Variants in KMT2C observed in about 807,000 individuals in gnomAD.
KMT2C encodes histone-lysine N-methyltransferase 2C.
KMT2C carries 88 observed loss-of-function variants against 507.9 expected under a neutral mutation model. That is an observed-to-expected ratio of 0.17 (90% CI 0.15 to 0.21). The LOEUF is 0.21. Ranked by LOEUF, KMT2C falls within the 10% of genes least tolerant of loss-of-function variation. The pLI is 1.00. For missense variants in KMT2C, 4,954 were observed against 5,957.8 expected (o/e 0.83, Z 5.55); for synonymous variants, 2,049 against 2,080.8 (o/e 0.98, Z 0.42).
At chr7:152,331,628 A>C (rs1245449874) in intron 2 of KMT2C, among the ~76,000 whole-genome samples, 1 of 147,050 alleles carries the variant, frequency 6.8e-6, no homozygotes, top group Non-Finnish European at 1.5e-5. Context: ...AACAACAACA[A>C]CAACAACAAA....
intron 33 of KMT2C, among the ~76,000 whole-genome samples, chr7:152,186,186 C>G (rs1330709780): frequency 1.3e-5 from 2 of 152,060 alleles, no homozygotes; most frequent in African/African-American, 4.8e-5. Context: ...TTCCACATTA[C>G]AAAAAGAAAG....
At chr7:152,266,403 C>A (rs2095858821) in intron 7 of KMT2C, among the ~76,000 whole-genome samples, 1 of 152,058 alleles carries the variant, frequency 6.6e-6, no homozygotes, top group African/African-American at 2.4e-5. Context: ...TGCCACCATG[C>A]CCATCTAATT....
In KMT2C at chr7:152,329,908, A is replaced by G. The variant is rs1021060076; in HGVS notation, c.389+693T>C. On this transcript the variant is annotated intron_variant, in intron 3 of 58. Transcript: ENST00000262189. ...TGCCTGTAATCCCAGCACTTTGGGA[A>G]GCCGAGGCAGGTGGATCATGAGATC... Among the ~76,000 whole-genome samples the G allele has an allele frequency of 2.6e-4, 39 of 152,042 alleles. 1 individual carries two copies. The highest frequency in any genetic ancestry group is 3.4e-3 in the Middle Eastern group (1 of 292).
At chr7:152,145,517 C>T (rs2091021309) in intron 53 of KMT2C, among the ~76,000 whole-genome samples, 1 of 152,184 alleles carries the variant, frequency 6.6e-6, no homozygotes, top group African/African-American at 2.4e-5. Context: ...GTAAACCCTG[C>T]CAAATGCTCC....
rs1033078752 is a variant in KMT2C at position 152,179,710 on chromosome 7, C to T, written c.7442+124G>A. On this transcript the variant is annotated intron_variant, in intron 37 of 58. Coordinates refer to ENST00000262189, the MANE Select transcript of KMT2C (RefSeq NM_170606.3). ...ATATTGCCCAGGCTGGTCTCAAACTCCTAGCCTCAAGCAATCCTCCTGCCT... is the reference window on the plus strand; with the variant it reads ...ATATTGCCCAGGCTGGTCTCAAACTTCTAGCCTCAAGCAATCCTCCTGCCT... 1.4e-5 allele frequency: 11 copies of T among 811,350 alleles called. No individual in the cohort carries two copies. In the African/African-American group the frequency reaches 2.0e-4, roughly 14 times the overall value. 50.3% of individuals were successfully genotyped at this position (811,350 alleles called of 1,614,324 possible). A position where few individuals can be genotyped will look rare whatever the true frequency, so the allele number is the denominator to read the frequency against.
chr7:152,307,559 C>T (rs543955346), intron 6 of KMT2C, among the ~76,000 whole-genome samples: 1 of 152,274 alleles, frequency 6.6e-6, no homozygotes, highest in East Asian at 1.9e-4. Context: ...TCCAAGTACT[C>T]AATCTGCATT....
At chr7:152,345,147 T>G (rs1310935326) in intron 2 of KMT2C, among the ~76,000 whole-genome samples, 1 of 152,044 alleles carries the variant, frequency 6.6e-6, no homozygotes, top group African/African-American at 2.4e-5. Context: ...AAGCTGGGCA[T>G]GGTGGCTCAT....
chr7:152,435,170 C>G (rs1322738231), intron 1 of KMT2C, among the ~76,000 whole-genome samples: 1 of 152,126 alleles, frequency 6.6e-6, no homozygotes, highest in Admixed American at 6.5e-5. Flanking sequence ...GCCCGCGCCC[C>G]GAGACCACCT....
At chr7:152,411,155 ACAATC>A (rs1423467828) in intron 1 of KMT2C, among the ~76,000 whole-genome samples, 2 of 152,116 alleles carry the variant, frequency 1.3e-5, no homozygotes, top group African/African-American at 4.8e-5. Context: ...CTTTAACAGT[ACAATC>A]CAAGTCAAGT....
chr7:152,259,433 G>GAC (rs1426757158), intron 9 of KMT2C, among the ~76,000 whole-genome samples: 15 of 112,902 alleles, frequency 1.3e-4, no homozygotes, highest in African/African-American at 3.5e-4. Flanking sequence ...CAAAAACACA[G>GAC]ACACACACAC....
intron 6 of KMT2C, among the ~76,000 whole-genome samples, chr7:152,290,254 ATG>A (rs1285878646): frequency 6.0e-4 from 25 of 41,602 alleles, no homozygotes; most frequent in East Asian, 5.7e-3. Context: ...GTGTGTGTGT[ATG>A]TGTATATATA....
At position 152,153,997 on chromosome 7, in the gene KMT2C, T is replaced by C; in HGVS notation, c.12276+13A>G. The C allele has an allele frequency of 6.2e-7, 1 of 1,612,280 alleles. No homozygotes were observed. Among genetic ancestry groups the C allele is most frequent in the South Asian group, 1.1e-5 (1 of 90,580 alleles). Reference sequence around the variant, plus strand: ...CATACTGTTTAACATTAAGAAGTCATTTAATCTTTTACCTCAGCAGCTGTA... The same window carrying C: ...CATACTGTTTAACATTAAGAAGTCACTTAATCTTTTACCTCAGCAGCTGTA... On this transcript the variant is annotated intron_variant, in intron 48 of 58. Transcript: ENST00000262189.
chr7:152,177,203 C>T lies in KMT2C; in HGVS notation c.8250G>A (p.Arg2750=), dbSNP rs1272370838. 1 of 1,613,858 alleles carries T rather than the reference C, an allele frequency of 6.2e-7. No homozygotes were observed. Among genetic ancestry groups the T allele is most frequent in the East Asian group, 2.2e-5 (1 of 44,880 alleles). ...TNDPNLDDLL[R]SGEFDIIAYT... is the part of the protein sequence containing the mutation. ...ATGCAATGATATCAAACTCTCCTGA[C>T]CTTAAGAGGTCATCCAGGTTGGGAT... Residue 2750 remains arginine (R), a synonymous_variant, in exon 38 of 59, where the codon AGG becomes AGA. Transcript: ENST00000262189.
rs202053024 is a variant in KMT2C, at chr7:152,159,041, A to C, written c.11492T>G (p.Phe3831Cys). The change falls in exon 44 of 59, where the codon TTT (phenylalanine) becomes TGT (cysteine). Residue 3831 changes from phenylalanine to cysteine, a missense_variant. Coordinates refer to ENST00000262189, the MANE Select transcript of KMT2C (RefSeq NM_170606.3). ...QTLGAQMQGG[F>C]GCGNQLPKTD... is the part of the protein sequence containing the mutation. ...TTTTGGCAACTGGTTGCCACATCCA[A>C]AACCACCTTGCATTTGAGCCCCCAA... is the stretch of plus-strand genomic sequence containing the variant. 1.2e-6 allele frequency: 2 copies of C among 1,614,202 alleles called. No homozygotes were observed. The highest frequency in any genetic ancestry group is 2.2e-5 in the East Asian group (1 of 44,884).
intron 1 of KMT2C, among the ~76,000 whole-genome samples, chr7:152,415,089 G>C (rs531837625): frequency 1.3e-5 from 2 of 152,022 alleles, no homozygotes; most frequent in East Asian, 3.9e-4. Context: ...CAAGCTATCA[G>C]CCTGCCTCAG....
chr7:152,272,396 T>C (rs745882914), intron 7 of KMT2C, among the ~76,000 whole-genome samples: 12 of 152,164 alleles, frequency 7.9e-5, no homozygotes, highest in Non-Finnish European at 1.6e-4. Flanking sequence ...TAAAGCATGA[T>C]TAACTACAAA....
At chr7:152,242,356 A>C (rs2095402893) in intron 14 of KMT2C, among the ~76,000 whole-genome samples, 1 of 152,230 alleles carries the variant, frequency 6.6e-6, no homozygotes. Context: ...CACCAGTAAT[A>C]ACCTAGAATC....
Position 152,182,445 on chromosome 7 carries a change from C to G in KMT2C, c.5415G>C (p.Gly1805=), listed in dbSNP as rs2129121016. The G allele has an allele frequency of 6.2e-7, 1 of 1,614,058 alleles. No homozygotes were observed. Among genetic ancestry groups the G allele is most frequent in the Non-Finnish European group, 8.5e-7 (1 of 1,179,968 alleles). Residue 1805 remains glycine, a synonymous_variant, in exon 36 of 59, where the codon GGG becomes GGC. Coordinates refer to ENST00000262189, the MANE Select transcript of KMT2C (RefSeq NM_170606.3). ...GCTGAGGTGTCAAGGGACTCTGTAT[C>G]CCACTACTTGGTGTATCTGAACCAG... ...VQSGSDTPSS[G]IQSPLTPQPG...
At chr7:152,237,347 C>T (rs367995144) in intron 15 of KMT2C, among the ~76,000 whole-genome samples, 177 of 152,246 alleles carry the variant, frequency 1.2e-3, no homozygotes, top group Non-Finnish European at 2.2e-3. Flanking sequence ...GGCTTTTTTC[C>T]CTTTGGATGT....
Sources: allele counts gnomAD v4.1 joint callset (sites outside exome capture counted in the v4.1 genomes callset), GRCh38; gene constraint gnomAD v4.1.1; transcripts MANE v1.5; gene names NCBI Gene and HGNC (gene_info 2026-07-23, HGNC 2026-07-21).